Variants in MRPL47 observed in about 807,000 individuals in gnomAD.
The protein encoded by MRPL47 is large ribosomal subunit protein uL29m.
Under a neutral mutation model 34.0 loss-of-function variants are expected in MRPL47, and 31 were observed. The observed-to-expected ratio is 0.91, with a 90% CI of 0.68 to 1.23. The LOEUF is 1.23. Ranked by LOEUF, MRPL47 falls within the 50% of genes most tolerant of loss-of-function variation. The pLI, the probability that MRPL47 is intolerant of heterozygous loss-of-function variation, is 0.00. For missense variants in MRPL47, 328 were observed against 285.8 expected (o/e 1.15, Z -1.07); for synonymous variants, 106 against 101.6 (o/e 1.04, Z -0.26).
intron 3 of MRPL47, among the ~76,000 whole-genome samples, chr3:179,599,600 C>A (rs1048070098): frequency 8.5e-5 from 13 of 152,174 alleles, no homozygotes; most frequent in Admixed American, 7.9e-4. Flanking sequence ...TTTAACTCCA[C>A]CACGCTGCTT....
chr3:179,595,893 T>G (rs1218340948), intron 4 of MRPL47, among the ~76,000 whole-genome samples: 2 of 152,232 alleles, frequency 1.3e-5, no homozygotes, highest in Non-Finnish European at 2.9e-5. Flanking sequence ...ACACTTCTCT[T>G]TACAGCCAAG....
At chr3:179,598,345 C>T (rs1448291731) in intron 4 of MRPL47, among the ~76,000 whole-genome samples, 1 of 149,646 alleles carries the variant, frequency 6.7e-6, no homozygotes, top group Non-Finnish European at 1.5e-5. Context: ...CAAGATATCA[C>T]ACCACTGCAC....
At chr3:179,589,236 T>C (rs533868625) in intron 6 of MRPL47, among the ~76,000 whole-genome samples, 3 of 152,202 alleles carry the variant, frequency 2.0e-5, no homozygotes, top group Non-Finnish European at 4.4e-5. Context: ...CCAGATATTA[T>C]GAACCTGTAA....
At position 179,588,888 on chromosome 3, in the gene MRPL47, T is replaced by TTGAC; in HGVS notation, c.736_737insGTCA (p.Lys246SerfsTer13). The TTGAC allele has an allele frequency of 6.2e-7, 1 of 1,613,162 alleles. No individual in the cohort carries two copies. The highest frequency in any genetic ancestry group is 1.1e-5 in the South Asian group (1 of 90,962). ...TCAGACATCTTAGACAAGACTTGAC[T>TTGAC]TTTGGGCTTCAGCAAGATGTGGAAA... On this transcript the variant is annotated frameshift_variant, in exon 7 of 7. Coordinates refer to ENST00000476781, the MANE Select transcript of MRPL47 (RefSeq NM_020409.3). LOFTEE classifies it high-confidence loss of function.
In MRPL47 at chr3:179,604,538, A is replaced by C; in HGVS notation, c.87T>G (p.Pro29=). ...SSRSLITPQV[P]ACTGFFLSLL... ...TATACATCACTTACCCTGTGCAGGCAGGGACCTGAGGAGTTATTAACGATC... is the reference window on the plus strand; with the variant it reads ...TATACATCACTTACCCTGTGCAGGCCGGGACCTGAGGAGTTATTAACGATC... The change falls in exon 1 of 7, where the codon CCT becomes CCG. Residue 29 remains proline (P), a synonymous_variant. Transcript: ENST00000476781. 6.2e-7 allele frequency: 1 copy of C among 1,614,124 alleles called. No individual in the cohort carries two copies. The highest frequency in any genetic ancestry group is 1.6e-4 in the Middle Eastern group (1 of 6,062).
At chr3:179,604,418 T>A (rs1719009322) in intron 1 of MRPL47, 109 bp downstream of exon 1, 1 of 1,064,228 alleles carries the variant, frequency 9.4e-7, no homozygotes, top group Admixed American at 2.2e-5. Context: ...GGCTCTGCCA[T>A]CCAGGCGGCC....
chr3:179,602,604 G>C (rs769825544), intron 2 of MRPL47, 48 bp downstream of exon 2: 7 of 857,244 alleles, frequency 8.2e-6, no homozygotes, highest in South Asian at 4.5e-5. Flanking sequence ...GGGGCGGGGG[G>C]GGGGGTTCCA....
chr3:179,593,627 T>TG (rs1240812590), intron 5 of MRPL47, 138 bp downstream of exon 5: 1 of 696,014 alleles, frequency 1.4e-6, no homozygotes, highest in African/African-American at 1.8e-5. Context: ...CAAAGGGGTG[T>TG]GGGGCCTCTT....
intron 5 of MRPL47, 142 bp downstream of exon 5, chr3:179,593,623 G>C: frequency 1.5e-6 from 1 of 656,784 alleles, no homozygotes; most frequent in Non-Finnish European, 2.4e-6. Flanking sequence ...AGTCCAAAGG[G>C]GTGTGGGGCC....
chr3:179,592,312 A>G (rs1232206107), intron 6 of MRPL47, among the ~76,000 whole-genome samples: 1 of 152,128 alleles, frequency 6.6e-6, no homozygotes, highest in Non-Finnish European at 1.5e-5. Flanking sequence ...CTCCTGCCTC[A>G]GCCTCCCAAG....
intron 6 of MRPL47, among the ~76,000 whole-genome samples, chr3:179,591,159 A>C (rs898348564): frequency 1.3e-5 from 2 of 152,206 alleles, no homozygotes; most frequent in African/African-American, 4.8e-5. Flanking sequence ...AAGAGTTGTT[A>C]AAAGCTGTGG....
chr3:179,593,797 A>C lies in MRPL47; in HGVS notation c.501T>G (p.Ala167=), dbSNP rs766657704. 6.2e-7 allele frequency: 1 copy of C among 1,613,850 alleles called. No individual in the cohort carries two copies. Among genetic ancestry groups the C allele is most frequent in the Admixed American group, 1.7e-5 (1 of 59,982 alleles). ...QTGQERARPG[A]WRRDIFGRII... is the part of the protein sequence containing the mutation. The stretch of plus-strand genomic sequence containing the variant: ...TTCTTCCAAAGATGTCTCTTCTCCA[A>C]GCACCAGGTCTAGCTCTTTCTTGAC... Residue 167 remains alanine (A), a synonymous_variant, in exon 5 of 7, where the codon GCT becomes GCG. Transcript: ENST00000476781.
chr3:179,592,988 T>C (rs1718710037), intron 5 of MRPL47, among the ~76,000 whole-genome samples: 1 of 152,196 alleles, frequency 6.6e-6, no homozygotes, highest in Admixed American at 6.5e-5. Context: ...CTAACCAAAA[T>C]GCCTTCCCCA....
chr3:179,591,086 T>C, intron 6 of MRPL47, among the ~76,000 whole-genome samples: 1 of 152,238 alleles, frequency 6.6e-6, no homozygotes, highest in East Asian at 1.9e-4. Context: ...TTTGTTTTGG[T>C]ATGAAAATCG....
chr3:179,596,448 G>A lies in MRPL47; in HGVS notation c.402+2227C>T, dbSNP rs7613919. ...TATGGTCACTTTCAGCTTCTCTGGA[G>A]TAAACTTTTATTATTTTGGGTTCTA... On this transcript the variant is annotated intron_variant, in intron 4 of 6. Coordinates refer to ENST00000476781, the MANE Select transcript of MRPL47 (RefSeq NM_020409.3). Among the ~76,000 whole-genome samples, 695 of 152,270 alleles carry A rather than the reference G, an allele frequency of 4.6e-3. 10 individuals carry two copies. Among genetic ancestry groups the A allele is most frequent in the African/African-American group, 0.016 (668 of 41,562 alleles).
At chr3:179,601,210 G>A (rs1436649705) in intron 3 of MRPL47, among the ~76,000 whole-genome samples, 3 of 152,132 alleles carry the variant, frequency 2.0e-5, no homozygotes, top group African/African-American at 7.2e-5. Context: ...CCCAGTGAGA[G>A]CAGCCTGGGT....
chr3:179,591,101 G>A (rs933672109), intron 6 of MRPL47, among the ~76,000 whole-genome samples: 2 of 152,112 alleles, frequency 1.3e-5, no homozygotes, highest in African/African-American at 2.4e-5. Flanking sequence ...AAATCGGGGC[G>A]GGAAAATCGG....
At position 179,599,603 on chromosome 3, in the gene MRPL47, C is replaced by T. The variant is rs548440070; in HGVS notation, c.306-832G>A. On this transcript the variant is annotated intron_variant, in intron 3 of 6. Coordinates refer to ENST00000476781, the MANE Select transcript of MRPL47 (RefSeq NM_020409.3). ...AATCCATTCTATTTTAACTCCACCA[C>T]GCTGCTTCTGAAACTGTAATGTGAT... 8.1e-4 allele frequency among the ~76,000 whole-genome samples: 124 copies of T among 152,264 alleles called. 1 individual carries two copies. Among genetic ancestry groups the T allele is most frequent in the Non-Finnish European group, 8.8e-4 (60 of 68,012 alleles).
chr3:179,589,335 G>C (rs1236606098), intron 6 of MRPL47, among the ~76,000 whole-genome samples: 2 of 152,208 alleles, frequency 1.3e-5, no homozygotes, highest in Non-Finnish European at 1.5e-5. Flanking sequence ...TGATAAGCTA[G>C]AGTGAGTACT....
Sources: allele counts gnomAD v4.1 joint callset (sites outside exome capture counted in the v4.1 genomes callset), GRCh38; gene constraint gnomAD v4.1.1; transcripts MANE v1.5; gene names NCBI Gene and HGNC (gene_info 2026-07-23, HGNC 2026-07-21).